RAB3C: variants seen among roughly 807,000 people sequenced by gnomAD.
RAB3C encodes RAB3C, member RAS oncogene family.
Under a neutral mutation model 26.4 loss-of-function variants are expected in RAB3C, and 17 were observed. The ratio of observed to expected loss-of-function variants is 0.64; its 90% CI spans 0.44 to 0.97. The LOEUF (loss-of-function observed/expected upper bound fraction) is 0.97, where lower values mean the gene tolerates loss of function less well. Ranked by LOEUF, RAB3C falls within the 50% of genes least tolerant of loss-of-function variation. The pLI is 0.00. For missense variants in RAB3C, 242 were observed against 281.9 expected (o/e 0.86, Z 1.01); for synonymous variants, 91 against 95.9 (o/e 0.95, Z 0.30).
intron 3 of RAB3C, among the ~76,000 whole-genome samples, chr5:58,817,509 G>T (rs1429073008): frequency 2.6e-5 from 4 of 151,278 alleles, no homozygotes; most frequent in African/African-American, 9.8e-5. Context: ...TCCTGTTTCT[G>T]GTTTCTTAGT....
chr5:58,699,932 TGCCATGCCCTGCTTTGGCTCA>T (rs1748806138), intron 2 of RAB3C, among the ~76,000 whole-genome samples: 2 of 152,244 alleles, frequency 1.3e-5, no homozygotes, highest in Admixed American at 1.3e-4. Context: ...GGTGAGGCGA[TGCCATGCCCTGCTTTGGCTCA>T]CCCTCTGTGG....
intron 2 of RAB3C, among the ~76,000 whole-genome samples, chr5:58,712,741 T>A (rs988589263): frequency 6.6e-6 from 1 of 152,168 alleles, no homozygotes; most frequent in Non-Finnish European, 1.5e-5. Context: ...GCTAGGCTGA[T>A]CTCGAACTTC....
intron 3 of RAB3C, among the ~76,000 whole-genome samples, chr5:58,735,725 A>G (rs1285149253): frequency 6.6e-6 from 1 of 152,142 alleles, no homozygotes; most frequent in Non-Finnish European, 1.5e-5. Flanking sequence ...AGGAGGCCCT[A>G]CTGACTTGCC....
intron 3 of RAB3C, among the ~76,000 whole-genome samples, chr5:58,730,165 T>C (rs1015244623): frequency 2.6e-5 from 4 of 151,860 alleles, no homozygotes; most frequent in African/African-American, 9.7e-5. Context: ...TGTCTTAAGT[T>C]CCTACTACAT....
chr5:58,735,632 C>A (rs1212059847), intron 3 of RAB3C, among the ~76,000 whole-genome samples: 1 of 152,182 alleles, frequency 6.6e-6, no homozygotes, highest in Non-Finnish European at 1.5e-5. Flanking sequence ...CTGGGACTCT[C>A]TTCTAGCTTC....
chr5:58,854,182 T>C lies in RAB3C; in HGVS notation c.*2831T>C, dbSNP rs988137117. Reference sequence around the variant, plus strand: ...AAGAACAAGACTTTTAAAAAGTACATACTCCTGTTGGTTTGTAAGTTATAC... The same window carrying C: ...AAGAACAAGACTTTTAAAAAGTACACACTCCTGTTGGTTTGTAAGTTATAC... On this transcript the variant is annotated 3_prime_UTR_variant, in exon 5 of 5. Transcript: ENST00000282878. The C allele has an allele frequency of 1.3e-5, 2 of 152,210 alleles. No homozygotes were observed. Among genetic ancestry groups the C allele is most frequent in the African/African-American group, 2.4e-5 (1 of 41,446 alleles). 9.4% of individuals were successfully genotyped at this position (152,210 alleles called of 1,614,324 possible).
chr5:58,740,735 G>C (rs879374560), intron 3 of RAB3C, among the ~76,000 whole-genome samples: 1 of 152,096 alleles, frequency 6.6e-6, no homozygotes, highest in African/African-American at 2.4e-5. Context: ...CAGGAAAATC[G>C]CTTGAACCCA....
intron 3 of RAB3C, among the ~76,000 whole-genome samples, chr5:58,784,470 T>G (rs939917604): frequency 6.6e-6 from 1 of 152,018 alleles, no homozygotes; most frequent in Non-Finnish European, 1.5e-5. Context: ...CTCCTATGGG[T>G]CCCTCCTATG....
intron 3 of RAB3C, among the ~76,000 whole-genome samples, chr5:58,770,437 C>G (rs1742008224): frequency 6.6e-6 from 1 of 152,112 alleles, no homozygotes; most frequent in Non-Finnish European, 1.5e-5. Flanking sequence ...TACCTCTTCC[C>G]CTCAGATGCT....
intron 1 of RAB3C, among the ~76,000 whole-genome samples, chr5:58,589,108 G>T (rs761130922): frequency 1.3e-5 from 2 of 151,904 alleles, no homozygotes; most frequent in East Asian, 3.9e-4. Flanking sequence ...TTGATTTCTC[G>T]GTTGATGAGA....
At chr5:58,816,208 T>G (rs901159479) in intron 3 of RAB3C, among the ~76,000 whole-genome samples, 7 of 152,058 alleles carry the variant, frequency 4.6e-5, no homozygotes, top group African/African-American at 1.7e-4. Context: ...CATAAGTAGT[T>G]TATGTGGGAA....
At chr5:58,794,257 CTTTT>C (rs1742594484) in intron 3 of RAB3C, 1 of 121,956 alleles carries the variant, frequency 8.2e-6, no homozygotes, top group East Asian at 2.5e-4. Context: ...TTTTCTTTTT[CTTTT>C]CTTTCCTTTT....
At chr5:58,793,655 A>G (rs2112017382) in intron 3 of RAB3C, among the ~76,000 whole-genome samples, 1 of 151,362 alleles carries the variant, frequency 6.6e-6, no homozygotes, top group Admixed American at 6.6e-5. Flanking sequence ...ACACATACAT[A>G]TAGTTTGTAG....
chr5:58,805,864 G>T (rs929429159), intron 3 of RAB3C, among the ~76,000 whole-genome samples: 28 of 151,922 alleles, frequency 1.8e-4, no homozygotes, highest in African/African-American at 6.3e-4. Context: ...TAGGAGGGAA[G>T]GGGTGTGGGG....
At chr5:58,590,618 T>C (rs765827254) in intron 1 of RAB3C, among the ~76,000 whole-genome samples, 5 of 151,928 alleles carry the variant, frequency 3.3e-5, no homozygotes, top group Non-Finnish European at 7.4e-5. Context: ...TCTCAGCTCA[T>C]TGCAATCTCT....
chr5:58,837,353 TA>T (rs1743772005), intron 4 of RAB3C, among the ~76,000 whole-genome samples: 1 of 151,930 alleles, frequency 6.6e-6, no homozygotes, highest in Non-Finnish European at 1.5e-5. Context: ...GGCTAATTTT[TA>T]TATTTTTAGT....
chr5:58,829,180 G>A (rs2112065068), intron 4 of RAB3C, among the ~76,000 whole-genome samples: 1 of 152,106 alleles, frequency 6.6e-6, no homozygotes, highest in South Asian at 2.1e-4. Flanking sequence ...TGAGATTACA[G>A]GTGTGAGCCA....
rs531675442 is a variant in RAB3C, at chr5:58,745,054, T to C, written c.371+18934T>C. On this transcript the variant is annotated intron_variant, in intron 3 of 4. Transcript: ENST00000282878. Reference sequence around the variant, plus strand: ...GCCTTCCTTGTTGCCAGGACTTTCATGTCACCCTCTGATTTTTAAAGCCCC... The same window carrying C: ...GCCTTCCTTGTTGCCAGGACTTTCACGTCACCCTCTGATTTTTAAAGCCCC... Among the ~76,000 whole-genome samples the C allele has an allele frequency of 3.3e-5, 5 of 152,150 alleles. No homozygotes were observed. In the South Asian group the frequency reaches 1.0e-3, roughly 32 times the overall value.
At chr5:58,682,079 A>T (rs1197073551) in intron 2 of RAB3C, among the ~76,000 whole-genome samples, 3 of 152,144 alleles carry the variant, frequency 2.0e-5, no homozygotes, top group African/African-American at 7.2e-5. Flanking sequence ...ATGAGGAGAA[A>T]CATTTGTATG....
Sources: allele counts gnomAD v4.1 joint callset (sites outside exome capture counted in the v4.1 genomes callset), GRCh38; gene constraint gnomAD v4.1.1; transcripts MANE v1.5; gene names NCBI Gene and HGNC (gene_info 2026-07-23, HGNC 2026-07-21).